Variants in KPNA3 observed in about 807,000 individuals in gnomAD.
KPNA3 encodes karyopherin subunit alpha 3.
Under a neutral mutation model 73.8 loss-of-function variants are expected in KPNA3, and 13 were observed. That is an observed-to-expected ratio of 0.18 (90% confidence interval 0.11 to 0.28). KPNA3 has a LOEUF of 0.28. KPNA3 is among the 10% of genes least tolerant of loss of function. The pLI, the probability that KPNA3 is intolerant of heterozygous loss-of-function variation, is 1.00. For synonymous variants in KPNA3, 186 were observed against 206.9 expected (o/e 0.90, Z 0.87); for missense variants, 360 against 618.1 (o/e 0.58, Z 4.43).
In KPNA3 at chr13:49,702,969, T is replaced by C. The variant is rs556748336; in HGVS notation, c.1373-489A>G. On this transcript the variant is annotated intron_variant, in intron 15 of 16. Transcript: ENST00000261667. ...CTGCAAGCTCCGCCTCCTGGGTTCA[T>C]GCCATTCTCCCGCCTAAGCCTCCCA... 1.0e-3 allele frequency among the ~76,000 whole-genome samples: 152 copies of C among 150,574 alleles called. 2 individuals are homozygous for C. Among genetic ancestry groups the C allele is most frequent in the Middle Eastern group, 6.9e-3 (2 of 288 alleles).
At chr13:49,776,014 C>T (rs957344198) in intron 1 of KPNA3, among the ~76,000 whole-genome samples, 1 of 152,166 alleles carries the variant, frequency 6.6e-6, no homozygotes, top group South Asian at 2.1e-4. Flanking sequence ...TTTGCACTAG[C>T]CCCACATCCA....
At position 49,792,552 on chromosome 13, in the gene KPNA3, C is replaced by T; in HGVS notation, c.-46G>A. 1.8e-6 allele frequency: 2 copies of T among 1,129,420 alleles called. No homozygotes were observed. The highest frequency in any genetic ancestry group is 1.2e-6 in the Non-Finnish European group (1 of 825,256). The allele number at this position is 1,129,420 out of a possible 1,614,324, so 70.0% of individuals were successfully genotyped here. A position where few individuals can be genotyped will look rare whatever the true frequency, so the allele number is the denominator to read the frequency against. On this transcript the variant is annotated 5_prime_UTR_variant, in exon 1 of 17. Coordinates refer to ENST00000261667, the MANE Select transcript of KPNA3 (RefSeq NM_002267.4). ...GCGGCTACTCCTGCGGCTGCGGCGG[C>T]GGCGGCGGCGAATCTTGGAGCGGGA...
At chr13:49,792,342 A>C in intron 1 of KPNA3, 96 bp downstream of exon 1, 1 of 745,420 alleles carries the variant, frequency 1.3e-6, no homozygotes, top group Non-Finnish European at 1.8e-6. Context: ...GCCGACCACA[A>C]GCCGACGAGA....
intron 1 of KPNA3, among the ~76,000 whole-genome samples, chr13:49,750,688 A>C (rs570862789): frequency 1.3e-5 from 2 of 151,996 alleles, no homozygotes; most frequent in South Asian, 4.2e-4. Context: ...AGTAATAATG[A>C]GTGATAAAAA....
At chr13:49,792,316 G>C (rs1422470724) in intron 1 of KPNA3, 122 bp downstream of exon 1, 2 of 437,296 alleles carry the variant, frequency 4.6e-6, no homozygotes, top group Admixed American at 1.1e-4. Context: ...GTGACGGGAG[G>C]CGGCGGCCAA....
chr13:49,729,673 G>A (rs1355860490), intron 6 of KPNA3, among the ~76,000 whole-genome samples: 1 of 152,154 alleles, frequency 6.6e-6, no homozygotes, highest in African/African-American at 2.4e-5. Flanking sequence ...CCAGCTACTC[G>A]GGAGGCTGAG....
At chr13:49,788,945 AAGG>A (rs1955008944) in intron 1 of KPNA3, among the ~76,000 whole-genome samples, 1 of 152,072 alleles carries the variant, frequency 6.6e-6, no homozygotes, top group African/African-American at 2.4e-5. Flanking sequence ...AGAGAATTTG[AAGG>A]AGGAGGAAGA....
chr13:49,744,823 T>C (rs1036979790), intron 2 of KPNA3, among the ~76,000 whole-genome samples: 39 of 152,226 alleles, frequency 2.6e-4, no homozygotes, highest in African/African-American at 9.2e-4. Context: ...TCAGGAACTA[T>C]ATACTATACC....
chr13:49,727,608 G>A (rs1285586605), intron 6 of KPNA3, among the ~76,000 whole-genome samples: 1 of 151,986 alleles, frequency 6.6e-6, no homozygotes, highest in Non-Finnish European at 1.5e-5. Flanking sequence ...AGAACTATGA[G>A]GGGACTTTAA....
intron 1 of KPNA3, among the ~76,000 whole-genome samples, chr13:49,765,319 A>G (rs934400044): frequency 6.6e-6 from 1 of 152,200 alleles, no homozygotes; most frequent in Non-Finnish European, 1.5e-5. Flanking sequence ...CGTACTATTT[A>G]TTATTTTGCT....
intron 1 of KPNA3, among the ~76,000 whole-genome samples, chr13:49,762,897 TAA>T (rs1203053070): frequency 1.9e-5 from 2 of 103,734 alleles, no homozygotes; most frequent in Non-Finnish European, 4.0e-5. Context: ...AATAAATAAA[TAA>T]AGTTTACACC....
At chr13:49,778,169 A>G (rs1954912261) in intron 1 of KPNA3, among the ~76,000 whole-genome samples, 1 of 152,230 alleles carries the variant, frequency 6.6e-6, no homozygotes, top group Non-Finnish European at 1.5e-5. Flanking sequence ...AATCAAGTTT[A>G]GTCTAAAGCA....
At chr13:49,752,535 G>A (rs1954671789) in intron 1 of KPNA3, among the ~76,000 whole-genome samples, 1 of 151,748 alleles carries the variant, frequency 6.6e-6, no homozygotes, top group South Asian at 2.1e-4. Flanking sequence ...GATAGAAAAT[G>A]TGAAATAACA....
At position 49,764,677 on chromosome 13, in the gene KPNA3, T is replaced by G. The variant is rs74821432; in HGVS notation, c.70-17684A>C. 5.2e-3 allele frequency among the ~76,000 whole-genome samples: 790 copies of G among 152,176 alleles called. 6 individuals carry two copies. The highest frequency in any genetic ancestry group is 0.018 in the African/African-American group (734 of 41,506). ...TCTCATCAACTGTCCCCTTGCTTCA[T>G]CAATTATCCATCTCCTCTCTCCCAT... On this transcript the variant is annotated intron_variant, in intron 1 of 16. Coordinates refer to ENST00000261667, the MANE Select transcript of KPNA3 (RefSeq NM_002267.4).
chr13:49,778,364 A>G (rs536702578), intron 1 of KPNA3, among the ~76,000 whole-genome samples: 124 of 152,346 alleles, frequency 8.1e-4, no homozygotes, highest in Admixed American at 2.1e-3. Flanking sequence ...GCTGTAACCA[A>G]TCTGACTGTT....
intron 1 of KPNA3, among the ~76,000 whole-genome samples, chr13:49,786,665 A>C (rs952304584): frequency 9.2e-5 from 14 of 152,212 alleles, no homozygotes; most frequent in Admixed American, 8.5e-4. Flanking sequence ...AAAGGCATGA[A>C]GAAGAAACTA....
intron 1 of KPNA3, among the ~76,000 whole-genome samples, chr13:49,780,225 C>T (rs904096498): frequency 6.6e-6 from 1 of 152,118 alleles, no homozygotes; most frequent in Non-Finnish European, 1.5e-5. Context: ...TAGAATACAA[C>T]CACACTCATT....
At chr13:49,710,524 T>C (rs968447244) in intron 11 of KPNA3, among the ~76,000 whole-genome samples, 19 of 152,196 alleles carry the variant, frequency 1.2e-4, no homozygotes, top group African/African-American at 4.6e-4. Flanking sequence ...TGTAATGGAA[T>C]GGGAATTGCA....
chr13:49,719,814 C>T lies in KPNA3; in HGVS notation c.732G>A (p.Leu244=), dbSNP rs1455469627. ...GGTATATGAGGACACATAAAGCTGG[C>T]AAAATCTGAGGAAAGAAAATAAACA... is the stretch of plus-strand genomic sequence containing the variant. ...PPPMETVQEI[L]PALCVLIYHT... is the part of the protein sequence containing the mutation. Residue 244 remains leucine (L), a synonymous_variant, in exon 10 of 17, where the codon TTG becomes TTA. Transcript: ENST00000261667. 1 of 1,586,362 alleles carries T rather than the reference C, an allele frequency of 6.3e-7. No individual in the cohort carries two copies. Among genetic ancestry groups the T allele is most frequent in the Non-Finnish European group, 8.6e-7 (1 of 1,157,016 alleles).
Sources: gnomAD v4.1 joint callset for allele counts (sites outside exome capture counted in the v4.1 genomes callset) on GRCh38, gnomAD v4.1.1 for gene constraint, MANE v1.5 for transcripts, NCBI Gene and HGNC (gene_info 2026-07-23, HGNC 2026-07-21) for gene names.